The following NECTIN2 variants were observed in gnomAD, a reference collection of about 807,000 sequenced individuals.
NECTIN2 encodes nectin cell adhesion molecule 2, also known as nectin-2.
NECTIN2 carries 23 observed loss-of-function variants against 56.9 expected under a neutral mutation model. The ratio of observed to expected loss-of-function variants is 0.40; its 90% confidence interval spans 0.29 to 0.57. NECTIN2 has a LOEUF of 0.57. Ranked by LOEUF, NECTIN2 falls within the 20% of genes least tolerant of loss-of-function variation. The pLI, the probability that NECTIN2 is intolerant of heterozygous loss-of-function variation, is 0.38. For synonymous variants in NECTIN2, 302 were observed against 313.8 expected, an observed-to-expected ratio of 0.96 and a Z score of 0.40; for missense variants, 587 against 718.3, an observed-to-expected ratio of 0.82 and a Z score of 2.09.
chr19:44,877,680 G>C (rs77533132), intron 5 of NECTIN2, among the ~76,000 whole-genome samples: 2,858 of 152,306 alleles, frequency 0.019, 85 homozygotes, highest in African/African-American at 0.065. Context: ...CTCCCCCGAG[G>C]GGGTGTGGCC....
At chr19:44,863,151 G>C (rs567158966) in intron 1 of NECTIN2, among the ~76,000 whole-genome samples, 1 of 151,710 alleles carries the variant, frequency 6.6e-6, no homozygotes, top group African/African-American at 2.4e-5. Context: ...AACAGTGCGA[G>C]AGTCTGTCTC....
At chr19:44,858,380 C>G (rs182374116) in intron 1 of NECTIN2, among the ~76,000 whole-genome samples, 1 of 152,086 alleles carries the variant, frequency 6.6e-6, no homozygotes, top group East Asian at 1.9e-4. Context: ...GGGCCTCATT[C>G]TATCGCCCAT....
intron 1 of NECTIN2, among the ~76,000 whole-genome samples, chr19:44,855,851 G>A (rs1968959452): frequency 6.6e-6 from 1 of 152,154 alleles, no homozygotes; most frequent in Non-Finnish European, 1.5e-5. Context: ...GGGCTGGAGA[G>A]GGCAGACCCT....
rs938144318 is a variant in NECTIN2, at chr19:44,846,467, G to T, written c.-59G>T. On this transcript the variant is annotated 5_prime_UTR_variant, in exon 1 of 9. Coordinates refer to ENST00000252483, the MANE Select transcript of NECTIN2 (RefSeq NM_001042724.2). ...CACCTACTAAACCGCCCAGCCGATC[G>T]GCCCCCACAGAGTGGCCCGCGGGCC... is the stretch of plus-strand genomic sequence containing the variant. The T allele has an allele frequency of 4.3e-6, 6 of 1,399,450 alleles. No homozygotes were observed. The highest frequency in any genetic ancestry group is 3.4e-5 in the Admixed American group (1 of 29,814). 86.7% of individuals were successfully genotyped at this position (1,399,450 alleles called of 1,614,324 possible). A position where few individuals can be genotyped will look rare whatever the true frequency, so the allele number is the denominator to read the frequency against.
intron 5 of NECTIN2, among the ~76,000 whole-genome samples, chr19:44,877,286 A>G (rs1969250450): frequency 6.6e-6 from 1 of 152,040 alleles, no homozygotes; most frequent in Admixed American, 6.6e-5. Flanking sequence ...TATGCCTTGC[A>G]TGCAGGGATG....
At chr19:44,854,924 G>C (rs71364511) in intron 1 of NECTIN2, among the ~76,000 whole-genome samples, 20 of 151,194 alleles carry the variant, frequency 1.3e-4, no homozygotes, top group African/African-American at 4.4e-4. Context: ...AGGAGATCGA[G>C]ACCATCCTGG....
chr19:44,852,305 A>G (rs1321482669), intron 1 of NECTIN2, among the ~76,000 whole-genome samples: 7 of 151,976 alleles, frequency 4.6e-5, no homozygotes, highest in Non-Finnish European at 7.4e-5. Context: ...AGGTGCCACC[A>G]TGCCCAGCTA....
chr19:44,850,600 A>T (rs1968888219), intron 1 of NECTIN2, among the ~76,000 whole-genome samples: 1 of 152,120 alleles, frequency 6.6e-6, no homozygotes, highest in Non-Finnish European at 1.5e-5. Context: ...AGCTGAGATC[A>T]CACCACAGTA....
chr19:44,879,608 T>C (rs1969285911), intron 5 of NECTIN2, among the ~76,000 whole-genome samples: 2 of 151,818 alleles, frequency 1.3e-5, no homozygotes, highest in Non-Finnish European at 2.9e-5. Context: ...TCCCTCCAGC[T>C]CCTCTCAACT....
At position 44,873,946 on chromosome 19, in the gene NECTIN2, A is replaced by G; in HGVS notation, c.806A>G (p.Asp269Gly). Reference sequence around the variant, plus strand: ...CCTGAAGTGTCCATCTCCGGCTATGATGACAACTGGTACCTCGGCCGTACT... The same window carrying G: ...CCTGAAGTGTCCATCTCCGGCTATGGTGACAACTGGTACCTCGGCCGTACT... ...YPPEVSISGY[D>G]DNWYLGRTDA... The change falls in exon 4 of 9, where the codon GAT becomes GGT. Residue 269 changes from aspartate (D) to glycine (G), a missense_variant. Coordinates refer to ENST00000252483, the MANE Select transcript of NECTIN2 (RefSeq NM_001042724.2). 6.2e-7 allele frequency: 1 copy of G among 1,613,934 alleles called. No homozygotes were observed. The highest frequency in any genetic ancestry group is 8.5e-7 in the Non-Finnish European group (1 of 1,179,960).
intron 1 of NECTIN2, among the ~76,000 whole-genome samples, chr19:44,850,756 T>C (rs1309534721): frequency 6.6e-6 from 1 of 152,178 alleles, no homozygotes; most frequent in Non-Finnish European, 1.5e-5. Flanking sequence ...GCTCACTCCC[T>C]GAACCAGCTC....
intron 5 of NECTIN2, chr19:44,878,931 G>A: frequency 8.5e-7 from 1 of 1,176,540 alleles, no homozygotes; most frequent in Non-Finnish European, 1.1e-6. Context: ...ATGCCTTGGA[G>A]GAAAACATCA....
In NECTIN2 at chr19:44,878,182, C is replaced by T. The variant is rs1383815748; in HGVS notation, c.1042+3704C>T. On this transcript the variant is annotated intron_variant, in intron 5 of 8. Coordinates refer to ENST00000252483, the MANE Select transcript of NECTIN2 (RefSeq NM_001042724.2). ...GAGCGATCCTCGTGATCTTGTGTCT[C>T]CCTTTCTCTCTCTCTCACCCCTCCT... 7.9e-6 allele frequency: 5 copies of T among 631,566 alleles called. No individual in the cohort carries two copies. In the South Asian group the frequency reaches 9.6e-5, roughly 12 times the overall value. The allele number at this position is 631,566 out of a possible 1,614,324, so 39.1% of individuals were successfully genotyped here.
Position 44,870,866 on chromosome 19 carries a change from A to G in NECTIN2, c.479-987A>G, listed in dbSNP as rs1474417422. Among the ~76,000 whole-genome samples, 4 of 151,940 alleles carry G rather than the reference A, an allele frequency of 2.6e-5. No homozygotes were observed. In the East Asian group the frequency reaches 7.8e-4, roughly 29 times the overall value. ...TACCTCAGCCTCCCGAGTACCTGGGATTACAGGCACCTGCCACCACGCCCA... is the reference window on the plus strand; with the variant it reads ...TACCTCAGCCTCCCGAGTACCTGGGGTTACAGGCACCTGCCACCACGCCCA... On this transcript the variant is annotated intron_variant, in intron 2 of 8. Transcript: ENST00000252483.
At position 44,846,510 on chromosome 19, in the gene NECTIN2, C is replaced by T. The variant is rs1204244097; in HGVS notation, c.-16C>T. 12 of 1,488,878 alleles carry T rather than the reference C, an allele frequency of 8.1e-6. No homozygotes were observed. The highest frequency in any genetic ancestry group is 1.1e-5 in the Non-Finnish European group (12 of 1,127,532). The allele number at this position is 1,488,878 out of a possible 1,614,324, so 92.2% of individuals were successfully genotyped here. On this transcript the variant is annotated 5_prime_UTR_variant, in exon 1 of 9. Coordinates refer to ENST00000252483, the MANE Select transcript of NECTIN2 (RefSeq NM_001042724.2). The stretch of plus-strand genomic sequence containing the variant: ...CGCGGGCCTCCGGCCGGGCCCAGTC[C>T]CCTCCCGGGCCCTCCATGGCCCGGG...
At chr19:44,880,455 G>C (rs1406673571) in intron 5 of NECTIN2, among the ~76,000 whole-genome samples, 1 of 142,232 alleles carries the variant, frequency 7.0e-6, no homozygotes, top group South Asian at 2.2e-4. Context: ...CTCGCTTCTC[G>C]ACCCCTTTTC....
intron 2 of NECTIN2, among the ~76,000 whole-genome samples, chr19:44,867,068 T>C (rs1005722074): frequency 5.3e-5 from 8 of 151,894 alleles, no homozygotes; most frequent in Non-Finnish European, 1.0e-4. Context: ...ACCCAGGCTG[T>C]AGTGGAGTGG....
rs372964113 is a variant in NECTIN2 at position 44,849,785 on chromosome 19, C to T, written c.88+3172C>T. ...GGGAGACCCAGACGGAGAAAGAGAC[C>T]GGAGATGTCAGACATACAGAGGAAA... On this transcript the variant is annotated intron_variant, in intron 1 of 8. Coordinates refer to ENST00000252483, the MANE Select transcript of NECTIN2 (RefSeq NM_001042724.2). Among the ~76,000 whole-genome samples, 49 of 152,158 alleles carry T rather than the reference C, an allele frequency of 3.2e-4. No individual in the cohort carries two copies. In the South Asian group the frequency reaches 5.0e-3, roughly 15 times the overall value.
chr19:44,849,613 G>T (rs1416565492), intron 1 of NECTIN2, among the ~76,000 whole-genome samples: 3 of 152,184 alleles, frequency 2.0e-5, no homozygotes, highest in Admixed American at 1.3e-4. Context: ...CTGTGAGAAG[G>T]TGTGTCAGAA....
Sources: allele counts gnomAD v4.1 joint callset (sites outside exome capture counted in the v4.1 genomes callset), GRCh38; gene constraint gnomAD v4.1.1; transcripts MANE v1.5; gene names NCBI Gene and HGNC (gene_info 2026-07-23, HGNC 2026-07-21).